The following DENND6B variants were observed in gnomAD, a reference collection of about 807,000 sequenced individuals.
DENND6B encodes DENN domain containing 6B.
Under a neutral mutation model 85.1 loss-of-function variants are expected in DENND6B, and 73 were observed. That is an observed-to-expected ratio of 0.86 (90% confidence interval 0.71 to 1.04). The LOEUF (loss-of-function observed/expected upper bound fraction) is 1.04, where lower values mean the gene tolerates loss of function less well. Ranked by LOEUF, DENND6B falls within the 50% of genes least tolerant of loss-of-function variation. The pLI is 0.00. For synonymous variants in DENND6B, 357 were observed against 329.3 expected, an observed-to-expected ratio of 1.08 and a Z score of -0.91; for missense variants, 715 against 785.8, an observed-to-expected ratio of 0.91 and a Z score of 1.08.
intron 10 of DENND6B, 44 bp downstream of exon 10, chr22:50,314,755 G>C: frequency 6.3e-7 from 1 of 1,578,670 alleles, no homozygotes; most frequent in Non-Finnish European, 8.6e-7. Flanking sequence ...AGGCACAGCC[G>C]CGATGGTCCA....
chr22:50,320,265 C>A (rs1230673601), intron 1 of DENND6B, among the ~76,000 whole-genome samples: 28 of 152,262 alleles, frequency 1.8e-4, no homozygotes. Flanking sequence ...CTCACCCAGG[C>A]TGGAGCGCAA....
intron 12 of DENND6B, 21 bp from the exon 13 acceptor site, chr22:50,314,293 C>T (rs1408474177): frequency 8.1e-6 from 13 of 1,606,912 alleles, no homozygotes; most frequent in Admixed American, 6.7e-5. Context: ...CGCCCGGTGG[C>T]CAGGCCTCAG....
At chr22:50,314,109 A>G (rs1682936078) in intron 13 of DENND6B, 98 bp downstream of exon 13, 9 of 1,397,732 alleles carry the variant, frequency 6.4e-6, no homozygotes, top group Non-Finnish European at 8.6e-6. Context: ...GAAGAGGATC[A>G]GGGGTCTGGG....
chr22:50,321,232 A>G (rs865927928), intron 1 of DENND6B, among the ~76,000 whole-genome samples: 4 of 152,096 alleles, frequency 2.6e-5, no homozygotes, highest in African/African-American at 9.7e-5. Flanking sequence ...CCTGTGTGAG[A>G]GCCTCCTCTC....
Position 50,311,827 on chromosome 22 carries a change from G to A in DENND6B, c.*312C>T, listed in dbSNP as rs1353377550. 16 of 396,834 alleles carry A rather than the reference G, an allele frequency of 4.0e-5. No individual in the cohort carries two copies. Among genetic ancestry groups the A allele is most frequent in the Admixed American group, 4.1e-5 (1 of 24,360 alleles). The allele number at this position is 396,834 out of a possible 1,614,324, so 24.6% of individuals were successfully genotyped here. A position where few individuals can be genotyped will look rare whatever the true frequency, so the allele number is the denominator to read the frequency against. On this transcript the variant is annotated 3_prime_UTR_variant, in exon 20 of 20. Coordinates refer to ENST00000413817, the MANE Select transcript of DENND6B (RefSeq NM_001001794.4). Reference sequence around the variant, plus strand: ...CAGATGGGCACCGGGAGGGGCAGACGGTAGACGCACCCACATCAGCAAGGG... The same window carrying A: ...CAGATGGGCACCGGGAGGGGCAGACAGTAGACGCACCCACATCAGCAAGGG...
chr22:50,314,752 G>A, intron 10 of DENND6B, 47 bp downstream of exon 10: 1 of 1,577,084 alleles, frequency 6.3e-7, no homozygotes, highest in East Asian at 2.3e-5. Context: ...CCCAGGCACA[G>A]CCGCGATGGT....
chr22:50,313,754 TG>T (rs763491300), intron 14 of DENND6B, 30 bp from the exon 15 acceptor site: 1 of 1,607,238 alleles, frequency 6.2e-7, no homozygotes, highest in South Asian at 1.1e-5. Context: ...AGGCCCTTGC[TG>T]CGCTTCACAC....
chr22:50,326,957 C>G lies in DENND6B; in HGVS notation c.32G>C (p.Arg11Pro). MDALLGTGPR[R>P]ARGCLGAAGP... ...AGCCGCGCCCAGGCAGCCGCGAGCC[C>G]GGCGAGGCCCTGTGCCCAACAGCGC... is the stretch of plus-strand genomic sequence containing the variant. The change falls in exon 1 of 20, where the codon CGG becomes CCG. Residue 11 changes from arginine to proline, a missense_variant. By Grantham distance (103) the Arg-to-Pro change is moderately radical. Transcript: ENST00000413817. 1 of 1,268,046 alleles carries G rather than the reference C, an allele frequency of 7.9e-7. No individual in the cohort carries two copies. The highest frequency in any genetic ancestry group is 9.9e-7 in the Non-Finnish European group (1 of 1,012,398). The allele number at this position is 1,268,046 out of a possible 1,614,324, so 78.5% of individuals were successfully genotyped here.
In DENND6B at chr22:50,314,670, G is replaced by A; in HGVS notation, c.912C>T (p.Asp304=). 6.4e-7 allele frequency: 1 copy of A among 1,566,600 alleles called. No individual in the cohort carries two copies. The highest frequency in any genetic ancestry group is 8.6e-7 in the Non-Finnish European group (1 of 1,156,258). The change falls in exon 11 of 20, where the codon GAC becomes GAT. Residue 304 remains aspartate (D), a synonymous_variant. Coordinates refer to ENST00000413817, the MANE Select transcript of DENND6B (RefSeq NM_001001794.4). The part of the protein sequence containing the change: ...SCLQPLRFCC[D]FRPYFTIHDS... ...CATGGATGGTGAAGTAGGGACGGAA[G>A]TCGCAGCAGAACCTGAGGGGCTGCA...
Position 50,312,092 on chromosome 22 carries a change from G to A in DENND6B, c.*47C>T, listed in dbSNP as rs765169081. 4.4e-6 allele frequency: 7 copies of A among 1,598,428 alleles called. No homozygotes were observed. The highest frequency in any genetic ancestry group is 6.0e-6 in the Non-Finnish European group (7 of 1,171,758). ...GTGCCGCCACCACTGGGGAGTGGGA[G>A]GCTCAGGCAGACCTAGGGCCCTGGG... is the stretch of plus-strand genomic sequence containing the variant. On this transcript the variant is annotated 3_prime_UTR_variant, in exon 20 of 20. Coordinates refer to ENST00000413817, the MANE Select transcript of DENND6B (RefSeq NM_001001794.4).
chr22:50,315,918 C>A, intron 8 of DENND6B, 107 bp downstream of exon 8: 1 of 1,574,490 alleles, frequency 6.4e-7, no homozygotes, highest in South Asian at 1.2e-5. Context: ...GTTTGACAAC[C>A]CCGCAGGGTG....
At chr22:50,312,976 G>C (rs1408834841) in intron 17 of DENND6B, 23 bp downstream of exon 17, 1 of 1,544,084 alleles carries the variant, frequency 6.5e-7, no homozygotes, top group Non-Finnish European at 8.8e-7. Flanking sequence ...GGCTCAAGCT[G>C]CCTGCACCTG....
At position 50,313,499 on chromosome 22, in the gene DENND6B, C is replaced by A. The variant is rs1348817415; in HGVS notation, c.1294G>T (p.Glu432Ter). The A allele has an allele frequency of 7.1e-6, 11 of 1,549,452 alleles. No individual in the cohort carries two copies. Among genetic ancestry groups the A allele is most frequent in the South Asian group, 1.2e-5 (1 of 83,346 alleles). The change falls in exon 16 of 20, where the codon GAG becomes TAG. Residue 432 changes from glutamate to a stop codon, truncating the protein, a stop_gained and splice_region_variant. Transcript: ENST00000413817. LOFTEE classifies it high-confidence loss of function. ...ELTQSFIIPLEHYMASLMPLQ... is the reference protein window; with the variant it reads ...ELTQSFIIPL ...GGCATGAGGCTGGCCATGTAGTGCT[C>A]CTGGGTGGGGAAGGGAGGGGAGTGA...
intron 1 of DENND6B, among the ~76,000 whole-genome samples, chr22:50,322,354 G>A (rs981480208): frequency 1.1e-4 from 16 of 152,118 alleles, no homozygotes; most frequent in African/African-American, 2.9e-4. Context: ...GATTACAGGC[G>A]TGAGCCACCG....
intron 1 of DENND6B, among the ~76,000 whole-genome samples, chr22:50,321,683 T>A (rs1013648615): frequency 2.2e-4 from 34 of 152,010 alleles, no homozygotes; most frequent in Admixed American, 2.2e-3. Context: ...CAAAAATGTT[T>A]TTTAAGACAA....
chr22:50,313,210 G>T, intron 16 of DENND6B, 102 bp from the exon 17 acceptor site: 2 of 1,255,614 alleles, frequency 1.6e-6, no homozygotes, highest in Non-Finnish European at 2.2e-6. Flanking sequence ...AAGACCCCCA[G>T]CCCCCACCCT....
chr22:50,313,960 G>A lies in DENND6B; in HGVS notation c.1139-82C>T, dbSNP rs143376365. 1.0e-3 allele frequency: 1,546 copies of A among 1,475,886 alleles called. 2 individuals are homozygous for A. Among genetic ancestry groups the A allele is most frequent in the Non-Finnish European group, 1.3e-3 (1,472 of 1,112,782 alleles). 91.4% of individuals were successfully genotyped at this position (1,475,886 alleles called of 1,614,324 possible). A position where few individuals can be genotyped will look rare whatever the true frequency, so the allele number is the denominator to read the frequency against. ...TGCAGCCCCACAGAGGAGCCAGGGT[G>A]GGGGTCTCATCTGCCTGCAGCCCCA... is the stretch of plus-strand genomic sequence containing the variant. On this transcript the variant is annotated intron_variant, in intron 13 of 19. Transcript: ENST00000413817.
At chr22:50,316,729 A>G in intron 5 of DENND6B, 1 of 1,421,278 alleles carries the variant, frequency 7.0e-7, no homozygotes, top group Non-Finnish European at 9.3e-7. Context: ...AGGGAAACGC[A>G]CGGTGGCCAG....
At chr22:50,320,363 C>T (rs748450636) in intron 1 of DENND6B, among the ~76,000 whole-genome samples, 12 of 152,226 alleles carry the variant, frequency 7.9e-5, no homozygotes, top group Non-Finnish European at 1.2e-4. Context: ...GGAGTGCAGG[C>T]GTGAGCCACG....
Sources: gnomAD v4.1 joint callset for allele counts (sites outside exome capture counted in the v4.1 genomes callset) on GRCh38, gnomAD v4.1.1 for gene constraint, MANE v1.5 for transcripts, NCBI Gene and HGNC (gene_info 2026-07-23, HGNC 2026-07-21) for gene names.